ITFG1: variants seen among roughly 807,000 people sequenced by gnomAD.
ITFG1 encodes integrin alpha FG-GAP repeat containing 1, also known as T-cell immunomodulatory protein.
Under a neutral mutation model 81.8 loss-of-function variants are expected in ITFG1, and 34 were observed. That is an observed-to-expected ratio of 0.42 (90% CI 0.32 to 0.55). The LOEUF is 0.55. ITFG1 is among the 20% of genes least tolerant of loss of function. ITFG1 has a pLI of 0.17. For synonymous variants in ITFG1, 285 were observed against 270.6 expected, an observed-to-expected ratio of 1.05 and a Z score of -0.52; for missense variants, 672 against 755.4, an observed-to-expected ratio of 0.89 and a Z score of 1.29.
chr16:47,309,608 C>G (rs1967225679), intron 10 of ITFG1, among the ~76,000 whole-genome samples: 1 of 152,196 alleles, frequency 6.6e-6, no homozygotes, highest in Non-Finnish European at 1.5e-5. Flanking sequence ...GAACTGAAAT[C>G]TATCCTTCAA....
chr16:47,333,459 T>C (rs1016052754), intron 8 of ITFG1, among the ~76,000 whole-genome samples: 4 of 152,214 alleles, frequency 2.6e-5, no homozygotes, highest in Admixed American at 1.3e-4. Flanking sequence ...GGATTGAAGG[T>C]AAATGGACAA....
chr16:47,429,213 T>A (rs541626316), intron 5 of ITFG1, among the ~76,000 whole-genome samples: 1 of 152,226 alleles, frequency 6.6e-6, no homozygotes. Flanking sequence ...TCATACACTA[T>A]GTGGTCTTCT....
At chr16:47,304,275 G>A (rs1479965206) in intron 10 of ITFG1, among the ~76,000 whole-genome samples, 1 of 152,126 alleles carries the variant, frequency 6.6e-6, no homozygotes, top group Non-Finnish European at 1.5e-5. Context: ...GCTTAAGAGG[G>A]AAAGGGAAAG....
At chr16:47,452,935 A>G (rs1596994222) in intron 3 of ITFG1, 145 bp from the exon 4 acceptor site, 1 of 512,756 alleles carries the variant, frequency 2.0e-6, no homozygotes, top group Non-Finnish European at 3.4e-6. Context: ...GATACTATAA[A>G]TCTAGTTCAA....
At chr16:47,352,459 T>G (rs1407820232) in intron 8 of ITFG1, among the ~76,000 whole-genome samples, 1 of 152,052 alleles carries the variant, frequency 6.6e-6, no homozygotes, top group African/African-American at 2.4e-5. Flanking sequence ...CATGAAAAAA[T>G]GCTCATCATC....
At chr16:47,459,825 G>T (rs1444960714) in intron 1 of ITFG1, among the ~76,000 whole-genome samples, 11 of 152,158 alleles carry the variant, frequency 7.2e-5, no homozygotes, top group Non-Finnish European at 1.5e-4. Context: ...AACAGGTTTG[G>T]CAGTACACTG....
At chr16:47,275,220 T>G (rs562773343) in intron 10 of ITFG1, among the ~76,000 whole-genome samples, 2 of 152,276 alleles carry the variant, frequency 1.3e-5, no homozygotes, top group African/African-American at 4.8e-5. Context: ...GAATGTCTAC[T>G]TCCTGAAAGG....
At chr16:47,343,257 G>A (rs1243180678) in intron 8 of ITFG1, among the ~76,000 whole-genome samples, 1 of 152,082 alleles carries the variant, frequency 6.6e-6, no homozygotes, top group Non-Finnish European at 1.5e-5. Context: ...CTCAACAGAT[G>A]TTAGAACTGG....
chr16:47,282,240 T>A (rs1307395323), intron 10 of ITFG1, among the ~76,000 whole-genome samples: 2 of 152,012 alleles, frequency 1.3e-5, no homozygotes, highest in Non-Finnish European at 2.9e-5. Flanking sequence ...TTAAGTAATT[T>A]CTCATCCCTT....
chr16:47,425,023 C>T (rs991965690), intron 6 of ITFG1, among the ~76,000 whole-genome samples: 1 of 152,170 alleles, frequency 6.6e-6, no homozygotes, highest in African/African-American at 2.4e-5. Context: ...GCCTTTTGTT[C>T]TGCTATGCCC....
intron 8 of ITFG1, among the ~76,000 whole-genome samples, chr16:47,324,569 A>G (rs1213032803): frequency 6.6e-6 from 1 of 152,232 alleles, no homozygotes; most frequent in Non-Finnish European, 1.5e-5. Context: ...AAGACCCATC[A>G]GTGGGCTGTA....
intron 5 of ITFG1, among the ~76,000 whole-genome samples, chr16:47,431,564 G>A (rs1050602408): frequency 4.6e-5 from 7 of 152,170 alleles, no homozygotes; most frequent in African/African-American, 1.7e-4. Flanking sequence ...AGTGGGTACA[G>A]GGTTCCCTTT....
At chr16:47,460,686 G>T in intron 1 of ITFG1, 152 bp downstream of exon 1, 2 of 830,544 alleles carry the variant, frequency 2.4e-6, no homozygotes. Flanking sequence ...GGTGCAAAAG[G>T]ACAAGCTGTT....
chr16:47,424,804 GA>G (rs1162499666), intron 6 of ITFG1, among the ~76,000 whole-genome samples: 1 of 152,148 alleles, frequency 6.6e-6, no homozygotes, highest in Non-Finnish European at 1.5e-5. Context: ...CCTTCCTCTG[GA>G]AGCTTTGTCC....
chr16:47,304,021 A>G (rs1967119278), intron 10 of ITFG1, among the ~76,000 whole-genome samples: 1 of 152,226 alleles, frequency 6.6e-6, no homozygotes, highest in Admixed American at 6.5e-5. Context: ...TGGAAAAAAA[A>G]AATTCTTAGA....
At chr16:47,254,404 T>C (rs577274945) in intron 12 of ITFG1, among the ~76,000 whole-genome samples, 1 of 152,060 alleles carries the variant, frequency 6.6e-6, no homozygotes, top group Admixed American at 6.5e-5. Context: ...ATTATTATTA[T>C]TACAACTGGG....
chr16:47,386,684 T>C (rs1596949596), intron 6 of ITFG1, among the ~76,000 whole-genome samples: 3 of 152,338 alleles, frequency 2.0e-5, no homozygotes, highest in Admixed American at 2.0e-4. Flanking sequence ...TGCAGTGTTC[T>C]GATCCTAAAG....
At chr16:47,275,504 A>G (rs1309062623) in intron 10 of ITFG1, among the ~76,000 whole-genome samples, 2 of 152,168 alleles carry the variant, frequency 1.3e-5, no homozygotes, top group African/African-American at 4.8e-5. Flanking sequence ...GCTGGAGTTA[A>G]TCCACACAGA....
At chr16:47,215,525 T>TA (rs1965615262) in intron 14 of ITFG1, among the ~76,000 whole-genome samples, 1 of 152,168 alleles carries the variant, frequency 6.6e-6, no homozygotes, top group South Asian at 2.1e-4. Context: ...TAACATACGT[T>TA]AGTTTGTTTA....
Sources: gnomAD v4.1 joint callset for allele counts (sites outside exome capture counted in the v4.1 genomes callset) on GRCh38, gnomAD v4.1.1 for gene constraint, MANE v1.5 for transcripts, NCBI Gene and HGNC (gene_info 2026-07-23, HGNC 2026-07-21) for gene names.